SPOCK2: variants seen among roughly 807,000 people sequenced by gnomAD.
The protein encoded by SPOCK2 is testican-2.
SPOCK2 carries 39 observed loss-of-function variants against 60.1 expected under a neutral mutation model. That is an observed-to-expected ratio of 0.65 (90% CI 0.50 to 0.85). The LOEUF (loss-of-function observed/expected upper bound fraction) is 0.85. Ranked by LOEUF, SPOCK2 falls within the 40% of genes least tolerant of loss-of-function variation. The pLI is 0.00. For synonymous variants in SPOCK2, 217 were observed against 231.5 expected (o/e 0.94, Z 0.57); for missense variants, 523 against 567.4 (o/e 0.92, Z 0.80).
rs771599075 is a variant in SPOCK2, at chr10:72,087,170, C to A, written c.189+970G>T. On this transcript the variant is annotated intron_variant, in intron 1 of 10. Coordinates refer to ENST00000373109, the MANE Select transcript of SPOCK2 (RefSeq NM_001244950.2). This position sits in a 1 kb window ranked among gnomAD's most constrained non-coding sequence, Gnocchi z 4.7. ...ACACCCTCCGCCCGCCCTGCCTCAC[C>A]CCTGCTTCCCCAGCCCCCAACCCGG... is the stretch of plus-strand genomic sequence containing the variant. Among the ~76,000 whole-genome samples the A allele has an allele frequency of 6.6e-6, 1 of 152,100 alleles. No homozygotes were observed. The highest frequency in any genetic ancestry group is 1.5e-5 in the Non-Finnish European group (1 of 67,990).
chr10:72,062,526 G>C lies in SPOCK2; in HGVS notation c.*234C>G. 1.4e-6 allele frequency: 1 copy of C among 716,788 alleles called. No individual in the cohort carries two copies. 44.4% of individuals were successfully genotyped at this position (716,788 alleles called of 1,614,324 possible). ...AGCAGTGTGGATCAAGGACACATTT[G>C]TCAGCGCATGCCACACACACACACA... is the stretch of plus-strand genomic sequence containing the variant. On this transcript the variant is annotated 3_prime_UTR_variant, in exon 11 of 11. Coordinates refer to ENST00000373109, the MANE Select transcript of SPOCK2 (RefSeq NM_001244950.2). The surrounding 1 kb of genome is among the most constrained non-coding windows in gnomAD (Gnocchi z 4.3).
At chr10:72,078,248 G>A (rs2131820062) in intron 1 of SPOCK2, among the ~76,000 whole-genome samples, 1 of 152,268 alleles carries the variant, frequency 6.6e-6, no homozygotes, top group South Asian at 2.1e-4. Flanking sequence ...AGGCGCGGTG[G>A]CTCACACCTG....
At chr10:72,070,478 A>G (rs1278908071) in intron 4 of SPOCK2, 52 bp from the exon 5 acceptor site, 2 of 1,571,120 alleles carry the variant, frequency 1.3e-6, no homozygotes, top group Middle Eastern at 1.7e-4. Flanking sequence ...ATGAGGAAGG[A>G]GCAGGGGAAG....
At chr10:72,082,525 C>G (rs1463935043) in intron 1 of SPOCK2, among the ~76,000 whole-genome samples, 1 of 151,996 alleles carries the variant, frequency 6.6e-6, no homozygotes, top group Non-Finnish European at 1.5e-5. Context: ...GATAAGCCAT[C>G]AGGGTAGGGC....
At chr10:72,073,026 T>C (rs149065347) in intron 1 of SPOCK2, 116 bp from the exon 2 acceptor site, 4 of 1,443,134 alleles carry the variant, frequency 2.8e-6, no homozygotes, top group Non-Finnish European at 3.8e-6. Context: ...TGCCTCATCA[T>C]GTGGCCGAGC....
intron 8 of SPOCK2, among the ~76,000 whole-genome samples, chr10:72,066,569 G>A (rs919510949): frequency 2.7e-5 from 4 of 149,932 alleles, no homozygotes; most frequent in Non-Finnish European, 5.9e-5. Context: ...GCCAACTCCT[G>A]GGTCACATGA....
chr10:72,068,259 C>T lies in SPOCK2; in HGVS notation c.517G>A (p.Ala173Thr), dbSNP rs753157896. 1.3e-5 allele frequency: 21 copies of T among 1,612,138 alleles called. No individual in the cohort carries two copies. Among genetic ancestry groups the T allele is most frequent in the African/African-American group, 2.7e-5 (2 of 74,940 alleles). Residue 173 changes from alanine to threonine, a missense_variant, in exon 6 of 11, where the codon GCG becomes ACG. Ala to Thr is a moderately conservative substitution (Grantham distance 58). Coordinates refer to ENST00000373109, the MANE Select transcript of SPOCK2 (RefSeq NM_001244950.2). ...QQACLSSKQL[A>T]VRCEGPCPCP... ...GGGCAGGGGCCCTCGCATCGCACCG[C>T]CAGCTGCTTGCTGCTCAGGCACGCC... is the stretch of plus-strand genomic sequence containing the variant.
At position 72,087,046 on chromosome 10, in the gene SPOCK2, G is replaced by A; in HGVS notation, c.189+1094C>T. 6.5e-7 allele frequency: 1 copy of A among 1,533,542 alleles called. No homozygotes were observed. Among genetic ancestry groups the A allele is most frequent in the Non-Finnish European group, 8.8e-7 (1 of 1,137,696 alleles). The allele number at this position is 1,533,542 out of a possible 1,614,324, so 95.0% of individuals were successfully genotyped here. Reference sequence around the variant, plus strand: ...CCTAGAAGAGGTTTTCTGGGGTCAGGGCCGCGGTGAGCACCAGGTCGCCAG... The same window carrying A: ...CCTAGAAGAGGTTTTCTGGGGTCAGAGCCGCGGTGAGCACCAGGTCGCCAG... On this transcript the variant is annotated intron_variant, in intron 1 of 10. Coordinates refer to ENST00000373109, the MANE Select transcript of SPOCK2 (RefSeq NM_001244950.2). The surrounding 1 kb of genome is among the most constrained non-coding windows in gnomAD (Gnocchi z 4.7).
intron 1 of SPOCK2, among the ~76,000 whole-genome samples, chr10:72,083,844 A>T (rs1197266702): frequency 6.6e-6 from 1 of 152,090 alleles, no homozygotes; most frequent in Non-Finnish European, 1.5e-5. Flanking sequence ...CCCAAACCCC[A>T]ATTATGAAAT....
intron 1 of SPOCK2, among the ~76,000 whole-genome samples, chr10:72,078,330 G>T (rs767700928): frequency 6.6e-6 from 1 of 152,028 alleles, no homozygotes; most frequent in South Asian, 2.1e-4. Flanking sequence ...TGGATAACAC[G>T]GTAAAACCCC....
chr10:72,086,674 G>GC (rs1840860089), intron 1 of SPOCK2: 1 of 1,287,172 alleles, frequency 7.8e-7, no homozygotes, highest in East Asian at 3.9e-5. Context: ...TGGACAGGTC[G>GC]CATGTGGGGC....
At chr10:72,068,324 C>T (rs570444863) in intron 5 of SPOCK2, 23 bp from the exon 6 acceptor site, 3 of 1,587,448 alleles carry the variant, frequency 1.9e-6, no homozygotes, top group Admixed American at 1.7e-5. Context: ...AAAGGTGGAA[C>T]AGGGGACTGA....
At position 72,088,438 on chromosome 10, in the gene SPOCK2, G is replaced by A; in HGVS notation, c.-110C>T. 2 of 1,302,232 alleles carry A rather than the reference G, an allele frequency of 1.5e-6. No individual in the cohort carries two copies. The highest frequency in any genetic ancestry group is 3.1e-5 in the South Asian group (2 of 64,286). The allele number at this position is 1,302,232 out of a possible 1,614,324, so 80.7% of individuals were successfully genotyped here. On this transcript the variant is annotated 5_prime_UTR_variant, in exon 1 of 11. Coordinates refer to ENST00000373109, the MANE Select transcript of SPOCK2 (RefSeq NM_001244950.2). ...CGCGGCTGTCCTCAGCTCTCCTCCCGCGGTCTGCCTCCGGTGACTGGCGGA... is the reference window on the plus strand; with the variant it reads ...CGCGGCTGTCCTCAGCTCTCCTCCCACGGTCTGCCTCCGGTGACTGGCGGA...
Position 72,063,051 on chromosome 10 carries a change from G to T in SPOCK2, c.1103C>A (p.Thr368Lys). 2.6e-6 allele frequency: 4 copies of T among 1,553,534 alleles called. No individual in the cohort carries two copies. Among genetic ancestry groups the T allele is most frequent in the Non-Finnish European group, 3.5e-6 (4 of 1,148,124 alleles). ...GCAGTCGGGGCTCCCATGCGTGCGCGTGCCAGTCAGCTCCAGGCCCAGCTG... is the reference window on the plus strand; with the variant it reads ...GCAGTCGGGGCTCCCATGCGTGCGCTTGCCAGTCAGCTCCAGGCCCAGCTG... ...VDQLGLELTGTRTHGSPDCDD... is the reference protein window; with the variant it reads ...VDQLGLELTGKRTHGSPDCDD... The change falls in exon 10 of 11, where the codon ACG (threonine) becomes AAG (lysine). Residue 368 changes from threonine to lysine, a missense_variant. Coordinates refer to ENST00000373109, the MANE Select transcript of SPOCK2 (RefSeq NM_001244950.2).
chr10:72,065,660 T>C (rs1198294371), intron 8 of SPOCK2, among the ~76,000 whole-genome samples: 1 of 152,200 alleles, frequency 6.6e-6, no homozygotes, highest in Non-Finnish European at 1.5e-5. Flanking sequence ...TGAGGACAGT[T>C]CCCGGCCTCC....
chr10:72,074,036 AGCTAC>A lies in SPOCK2; in HGVS notation c.190-1131_190-1127del, dbSNP rs202008204. On this transcript the variant is annotated intron_variant, in intron 1 of 10. Transcript: ENST00000373109. ...GAGCTGGGGGGAGAGGGGCATGAGA[AGCTAC>A]GCGCAGCTGCCCCCTTCATCCTGAG... Among the ~76,000 whole-genome samples the A allele has an allele frequency of 3.7e-3, 569 of 152,308 alleles. 4 individuals carry two copies. The highest frequency in any genetic ancestry group is 0.012 in the African/African-American group (517 of 41,572).
chr10:72,085,027 C>T (rs187893271), intron 1 of SPOCK2, among the ~76,000 whole-genome samples: 15 of 152,292 alleles, frequency 9.8e-5, no homozygotes, highest in Non-Finnish European at 1.9e-4. Flanking sequence ...GTCAGCTCTT[C>T]GTAGCCAAGC....
chr10:72,079,504 G>A (rs1840755806), intron 1 of SPOCK2, among the ~76,000 whole-genome samples: 2 of 152,240 alleles, frequency 1.3e-5, no homozygotes, highest in African/African-American at 4.8e-5. Flanking sequence ...GCTCAGCTCA[G>A]TTGCCATGGA....
At chr10:72,078,466 A>C (rs1425790738) in intron 1 of SPOCK2, among the ~76,000 whole-genome samples, 2 of 152,204 alleles carry the variant, frequency 1.3e-5, no homozygotes, top group African/African-American at 4.8e-5. Flanking sequence ...AGCCAAGATC[A>C]CGCCACTGCA....
Sources: gnomAD v4.1 joint callset for allele counts (sites outside exome capture counted in the v4.1 genomes callset) on GRCh38, gnomAD v4.1.1 for gene constraint, Gnocchi (gnomAD v3.1) non-coding constraint, MANE v1.5 for transcripts, NCBI Gene and HGNC (gene_info 2026-07-23, HGNC 2026-07-21) for gene names.